The following WWOX variants were observed in gnomAD, a reference collection of about 807,000 sequenced individuals.
The protein encoded by WWOX is WW domain containing oxidoreductase, also known as WW domain-containing oxidoreductase.
In WWOX, 69 loss-of-function variants were observed where a neutral mutation model predicts 46.2. The observed-to-expected ratio is 1.49, with a 90% CI of 1.23 to 1.82. The LOEUF is 1.82. WWOX is among the 40% of genes most tolerant of loss of function. WWOX has a pLI of 0.00. For synonymous variants in WWOX, 359 were observed against 202.6 expected (o/e 1.77, Z -6.56); for missense variants, 919 against 542.6 (o/e 1.69, Z -6.89).
At chr16:78,825,078 A>T (rs1285986855) in intron 8 of WWOX, among the ~76,000 whole-genome samples, 1 of 152,134 alleles carries the variant, frequency 6.6e-6, no homozygotes, top group Non-Finnish European at 1.5e-5. Context: ...ACTCATGAAC[A>T]ACTCCACTTC....
At chr16:78,376,076 C>T (rs1280803674) in intron 5 of WWOX, among the ~76,000 whole-genome samples, 1 of 152,076 alleles carries the variant, frequency 6.6e-6, no homozygotes, top group Admixed American at 6.6e-5. Flanking sequence ...TCTCGAACTC[C>T]TGACCTCAAG....
At chr16:78,329,669 G>C (rs1232622439) in intron 5 of WWOX, among the ~76,000 whole-genome samples, 2 of 152,030 alleles carry the variant, frequency 1.3e-5, no homozygotes, top group Admixed American at 1.3e-4. Flanking sequence ...AGCGTGCTCT[G>C]TTATTCTTGC....
intron 8 of WWOX, among the ~76,000 whole-genome samples, chr16:78,969,200 T>C (rs756392715): frequency 6.6e-6 from 1 of 151,966 alleles, no homozygotes; most frequent in Non-Finnish European, 1.5e-5. Context: ...AGCATGCTCC[T>C]TTGCTACCTC....
intron 8 of WWOX, among the ~76,000 whole-genome samples, chr16:78,915,144 A>C (rs1428102844): frequency 6.6e-6 from 1 of 152,094 alleles, no homozygotes; most frequent in East Asian, 1.9e-4. Flanking sequence ...CAATTAAAAA[A>C]TTACTCTCCA....
At chr16:78,752,263 A>G (rs1461718905) in intron 8 of WWOX, among the ~76,000 whole-genome samples, 3 of 152,184 alleles carry the variant, frequency 2.0e-5, no homozygotes, top group East Asian at 1.9e-4. Flanking sequence ...GTTAGAGACT[A>G]TCAGGTTAAA....
intron 8 of WWOX, among the ~76,000 whole-genome samples, chr16:78,625,435 G>A (rs2046289833): frequency 6.6e-6 from 1 of 152,086 alleles, no homozygotes; most frequent in African/African-American, 2.4e-5. Context: ...ATATGCTGTT[G>A]TTTAATTTCA....
At chr16:78,654,327 T>G (rs1410838985) in intron 8 of WWOX, among the ~76,000 whole-genome samples, 1 of 152,206 alleles carries the variant, frequency 6.6e-6, no homozygotes, top group African/African-American at 2.4e-5. Context: ...TAAAATAATC[T>G]TACAATCATC....
At chr16:78,301,810 G>A (rs574448256) in intron 5 of WWOX, among the ~76,000 whole-genome samples, 17 of 152,126 alleles carry the variant, frequency 1.1e-4, no homozygotes, top group Admixed American at 7.2e-4. Context: ...TCAGGATTAC[G>A]TTACCTAGGG....
intron 7 of WWOX, among the ~76,000 whole-genome samples, chr16:78,431,139 GAGAA>G (rs2151384375): frequency 6.6e-6 from 1 of 152,294 alleles, no homozygotes; most frequent in Non-Finnish European, 1.5e-5. Context: ...TGTTATTTAA[GAGAA>G]AGAGACAAAC....
Position 78,150,572 on chromosome 16 carries a change from G to A in WWOX, c.410-13611G>A, listed in dbSNP as rs553351157. 6.6e-5 allele frequency among the ~76,000 whole-genome samples: 10 copies of A among 152,136 alleles called. No homozygotes were observed. The South Asian group carries it at 8.3e-4, about 13-fold the overall frequency. ...TTTTTTTGTTTTGTTTATTAGAGAC[G>A]AGGTCTCAATATGTCACCCAGGCTG... On this transcript the variant is annotated intron_variant, in intron 4 of 8. Transcript: ENST00000566780.
At chr16:78,874,364 A>T (rs1396024423) in intron 8 of WWOX, among the ~76,000 whole-genome samples, 1 of 151,970 alleles carries the variant, frequency 6.6e-6, no homozygotes, top group Non-Finnish European at 1.5e-5. Context: ...GGTGAGTGAG[A>T]GGCTAGGAGC....
intron 8 of WWOX, among the ~76,000 whole-genome samples, chr16:78,857,550 C>G (rs913032945): frequency 6.6e-6 from 1 of 152,166 alleles, no homozygotes; most frequent in Admixed American, 6.5e-5. Flanking sequence ...AGTCACCCAT[C>G]TACCCAAGCT....
intron 8 of WWOX, among the ~76,000 whole-genome samples, chr16:78,508,298 A>G (rs2085267813): frequency 7.2e-6 from 1 of 139,554 alleles, no homozygotes; most frequent in Non-Finnish European, 1.5e-5. Flanking sequence ...GGCGTGAGCC[A>G]CTGCGCCCGG....
In WWOX at chr16:78,622,816, A is replaced by T. The variant is rs71396201; in HGVS notation, c.1056+190064A>T. 4.8e-4 allele frequency among the ~76,000 whole-genome samples: 73 copies of T among 152,320 alleles called. 1 individual carries two copies. Among genetic ancestry groups the T allele is most frequent in the Non-Finnish European group, 9.3e-4 (63 of 68,022 alleles). On this transcript the variant is annotated intron_variant, in intron 8 of 8. Coordinates refer to ENST00000566780, the MANE Select transcript of WWOX (RefSeq NM_016373.4). The stretch of plus-strand genomic sequence containing the variant: ...AAGGTCTTACATGAGACAGATTTTG[A>T]GTTAATGAGCAGGGGGATCCTCCTG...
At chr16:78,954,790 GTTA>G (rs1465452347) in intron 8 of WWOX, among the ~76,000 whole-genome samples, 1 of 152,020 alleles carries the variant, frequency 6.6e-6, no homozygotes. Context: ...TTATTTATTT[GTTA>G]TTATTATGTT....
At position 78,691,375 on chromosome 16, in the gene WWOX, A is replaced by G. The variant is rs8063191; in HGVS notation, c.1056+258623A>G. On this transcript the variant is annotated intron_variant, in intron 8 of 8. Transcript: ENST00000566780. ...TTATGACAAAGGTGACAGAAAGGAA[A>G]TCTCCTAAGTTGGCCTACAGGGTGC... 9.7e-3 allele frequency: 6,613 copies of G among 684,310 alleles called. 333 individuals carry two copies. In the African/African-American group the frequency reaches 0.11, roughly 11 times the overall value. 42.4% of individuals were successfully genotyped at this position (684,310 alleles called of 1,614,324 possible). A position where few individuals can be genotyped will look rare whatever the true frequency, so the allele number is the denominator to read the frequency against.
intron 5 of WWOX, among the ~76,000 whole-genome samples, chr16:78,325,013 A>G (rs1008714882): frequency 1.3e-5 from 2 of 152,210 alleles, no homozygotes; most frequent in African/African-American, 4.8e-5. Context: ...CGAGCTGCTC[A>G]TGGGCACAAA....
chr16:78,373,872 C>G (rs2081754619), intron 5 of WWOX, among the ~76,000 whole-genome samples: 1 of 152,192 alleles, frequency 6.6e-6, no homozygotes, highest in Admixed American at 6.5e-5. Context: ...ACTGCAAACT[C>G]TGCCTCCTGA....
chr16:78,877,254 A>C (rs541006999), intron 8 of WWOX, among the ~76,000 whole-genome samples: 1 of 151,786 alleles, frequency 6.6e-6, no homozygotes, highest in East Asian at 1.9e-4. Flanking sequence ...TAGGACACCA[A>C]ACCCTCTGTA....
Sources: gnomAD v4.1 joint callset for allele counts (sites outside exome capture counted in the v4.1 genomes callset) on GRCh38, gnomAD v4.1.1 for gene constraint, MANE v1.5 for transcripts, NCBI Gene and HGNC (gene_info 2026-07-23, HGNC 2026-07-21) for gene names.